Variants in SERBP1 observed in about 807,000 individuals in gnomAD.
The protein encoded by SERBP1 is SERPINE1 mRNA-binding protein 1.
In SERBP1, 6 loss-of-function variants were observed where a neutral mutation model predicts 50.2. The observed-to-expected ratio is 0.12, with a 90% CI of 0.07 to 0.24. The LOEUF is 0.24. Ranked by LOEUF, SERBP1 falls within the 10% of genes least tolerant of loss-of-function variation. The pLI, the probability that SERBP1 is intolerant of heterozygous loss-of-function variation, is 1.00. For missense variants in SERBP1, 346 were observed against 524.9 expected, an observed-to-expected ratio of 0.66 and a Z score of 3.33; for synonymous variants, 168 against 182.8, an observed-to-expected ratio of 0.92 and a Z score of 0.65.
chr1:67,429,251 T>A (rs1667485796), intron 1 of SERBP1, among the ~76,000 whole-genome samples: 1 of 152,180 alleles, frequency 6.6e-6, no homozygotes, highest in Non-Finnish European at 1.5e-5. Flanking sequence ...GGATCGTGAC[T>A]CGAGGACGTT....
chr1:67,419,279 G>A (rs1570289822), intron 6 of SERBP1, among the ~76,000 whole-genome samples: 1 of 152,088 alleles, frequency 6.6e-6, no homozygotes. Context: ...TATATAATAC[G>A]CAACATACAA....
Position 67,420,084 on chromosome 1 carries a change from A to G in SERBP1, c.876T>C (p.Asn292=). ...QNKDRAKVEF[N]IRKPNEGADG... is the part of the protein sequence containing the mutation. ...CAGCACCTTCATTTGGTTTTCGGAT[A>G]TTAAATTCTACTTTTGCCCGGTCCT... Residue 292 remains asparagine (N), a synonymous_variant, in exon 6 of 8, where the codon AAT becomes AAC. Coordinates refer to ENST00000361219, the MANE Select transcript of SERBP1 (RefSeq NM_001018069.2). 1.2e-6 allele frequency: 2 copies of G among 1,613,738 alleles called. No homozygotes were observed. The highest frequency in any genetic ancestry group is 2.2e-5 in the South Asian group (2 of 91,066).
At chr1:67,417,477 T>A (rs1309974529) in intron 6 of SERBP1, among the ~76,000 whole-genome samples, 1 of 151,996 alleles carries the variant, frequency 6.6e-6, no homozygotes, top group Non-Finnish European at 1.5e-5. Context: ...GAAACTGTAC[T>A]GGGATAAAGT....
Position 67,411,862 on chromosome 1 carries a change from A to G in SERBP1, c.*1345T>C, listed in dbSNP as rs1169912709. ...TGGCAGAATAAAAGACAATCCTAGAAAACTTTTTTAATTCATCATTCTATG... is the reference window on the plus strand; with the variant it reads ...TGGCAGAATAAAAGACAATCCTAGAGAACTTTTTTAATTCATCATTCTATG... On this transcript the variant is annotated 3_prime_UTR_variant, in exon 8 of 8. Transcript: ENST00000361219. 1.4e-4 allele frequency: 22 copies of G among 152,200 alleles called. No individual in the cohort carries two copies. Among genetic ancestry groups the G allele is most frequent in the Admixed American group, 2.6e-4 (4 of 15,278 alleles). The allele number at this position is 152,200 out of a possible 1,614,324, so 9.4% of individuals were successfully genotyped here. A position where few individuals can be genotyped will look rare whatever the true frequency, so the allele number is the denominator to read the frequency against.
In SERBP1 at chr1:67,409,557, T is replaced by A. The variant is rs1177227603; in HGVS notation, c.*3650A>T. On this transcript the variant is annotated 3_prime_UTR_variant, in exon 8 of 8. Coordinates refer to ENST00000361219, the MANE Select transcript of SERBP1 (RefSeq NM_001018069.2). ...TCATGATGGCTTTAGCAATTTATAT[T>A]CTAACCATTTCCTAAACTTAAGCTT... 6.6e-6 allele frequency: 1 copy of A among 152,182 alleles called. No homozygotes were observed. Among genetic ancestry groups the A allele is most frequent in the Non-Finnish European group, 1.5e-5 (1 of 68,028 alleles). The allele number at this position is 152,182 out of a possible 1,614,324, so 9.4% of individuals were successfully genotyped here. A position where few individuals can be genotyped will look rare whatever the true frequency, so the allele number is the denominator to read the frequency against.
rs77632344 is a variant in SERBP1 at position 67,425,545 on chromosome 1, A to G, written c.465-322T>C. On this transcript the variant is annotated intron_variant, in intron 2 of 7. Transcript: ENST00000361219. Reference sequence around the variant, plus strand: ...TAAAAATTAAACACATCTAACTTGCATAAGTAATTTATTTGCTATAAACAA... The same window carrying G: ...TAAAAATTAAACACATCTAACTTGCGTAAGTAATTTATTTGCTATAAACAA... Among the ~76,000 whole-genome samples the G allele has an allele frequency of 5.8e-4, 88 of 152,312 alleles. 2 individuals carry two copies. The East Asian group carries it at 0.012, about 21-fold the overall frequency.
chr1:67,419,012 TTCC>T (rs896725693), intron 6 of SERBP1, among the ~76,000 whole-genome samples: 35 of 152,258 alleles, frequency 2.3e-4, no homozygotes, highest in African/African-American at 8.4e-4. Flanking sequence ...CACTGAAACA[TTCC>T]TCTAAGAACA....
Position 67,430,333 on chromosome 1 carries a change from T to A in SERBP1, c.-33A>T. On this transcript the variant is annotated 5_prime_UTR_variant, in exon 1 of 8. Coordinates refer to ENST00000361219, the MANE Select transcript of SERBP1 (RefSeq NM_001018069.2). ...GCTCGGCGGCGCGTTCCTCCACGGA[T>A]TGCAGCGGGCCGCGCCGAGCCAAGA... 6.7e-7 allele frequency: 1 copy of A among 1,495,404 alleles called. No individual in the cohort carries two copies. Among genetic ancestry groups the A allele is most frequent in the Non-Finnish European group, 8.9e-7 (1 of 1,123,778 alleles). 92.6% of individuals were successfully genotyped at this position (1,495,404 alleles called of 1,614,324 possible).
intron 5 of SERBP1, among the ~76,000 whole-genome samples, chr1:67,421,132 CA>C (rs112864643): frequency 3.6e-5 from 5 of 140,786 alleles, no homozygotes; most frequent in Non-Finnish European, 4.7e-5. Flanking sequence ...ATCTATGCTG[CA>C]AAAAAAAAAC....
intron 7 of SERBP1, among the ~76,000 whole-genome samples, chr1:67,414,338 G>A (rs1456754548): frequency 6.7e-6 from 1 of 148,502 alleles, no homozygotes; most frequent in East Asian, 2.0e-4. Flanking sequence ...GAAAGTATGG[G>A]AAAAGCCCAT....
At position 67,413,190 on chromosome 1, in the gene SERBP1, T is replaced by C; in HGVS notation, c.*17A>G. 6.3e-7 allele frequency: 1 copy of C among 1,592,834 alleles called. No individual in the cohort carries two copies. The highest frequency in any genetic ancestry group is 8.5e-7 in the Non-Finnish European group (1 of 1,172,036). The stretch of plus-strand genomic sequence containing the variant: ...GAAGGGTTCACAAAGGAACCAGGGT[T>C]GTCTTATGGCATCCAGTTAAGCCAG... On this transcript the variant is annotated 3_prime_UTR_variant, in exon 8 of 8. Coordinates refer to ENST00000361219, the MANE Select transcript of SERBP1 (RefSeq NM_001018069.2).
At chr1:67,425,760 TAG>T (rs1667351155) in intron 2 of SERBP1, among the ~76,000 whole-genome samples, 1 of 152,224 alleles carries the variant, frequency 6.6e-6, no homozygotes, top group South Asian at 2.1e-4. Flanking sequence ...GAAAAATTAA[TAG>T]AAACAATTAG....
In SERBP1 at chr1:67,426,251, T is replaced by A. The variant is rs746614078; in HGVS notation, c.348A>T (p.Gln116His). The change falls in exon 2 of 8, where the codon CAA becomes CAT. Residue 116 changes from glutamine (Q) to histidine (H), a missense_variant. This residue lies in a region of SERBP1 where 257 missense variants were observed against 331.2 expected (regional missense o/e 0.78). Transcript: ENST00000361219. The part of the protein sequence containing the change: ...IRRVGRRPDQ[Q>H]LQGEGKIIDR... ...CAATTATTTTCCCTTCACCCTGAAGTTGTTGATCAGGTCTTCTTCCAACTC... is the reference window on the plus strand; with the variant it reads ...CAATTATTTTCCCTTCACCCTGAAGATGTTGATCAGGTCTTCTTCCAACTC... 1 of 1,603,434 alleles carries A rather than the reference T, an allele frequency of 6.2e-7. No homozygotes were observed. Among genetic ancestry groups the A allele is most frequent in the South Asian group, 1.1e-5 (1 of 89,176 alleles).
intron 2 of SERBP1, 59 bp from the exon 3 acceptor site, chr1:67,425,282 C>A (rs762270118): frequency 1.6e-4 from 229 of 1,466,468 alleles, no homozygotes; most frequent in East Asian, 1.0e-3. Context: ...GAGGAAAATT[C>A]ATCCAAAAGA....
intron 7 of SERBP1, among the ~76,000 whole-genome samples, chr1:67,414,828 G>A (rs1161397885): frequency 6.6e-6 from 1 of 152,130 alleles, no homozygotes. Context: ...AAGGCCAAGA[G>A]TTAACCTGAT....
At chr1:67,428,662 A>G (rs1424088470) in intron 1 of SERBP1, among the ~76,000 whole-genome samples, 1 of 129,010 alleles carries the variant, frequency 7.8e-6, no homozygotes, top group African/African-American at 2.5e-5. Context: ...TAATTTTACC[A>G]CAAGAATTAA....
intron 1 of SERBP1, among the ~76,000 whole-genome samples, chr1:67,427,323 A>G (rs950779292): frequency 6.6e-6 from 1 of 152,212 alleles, no homozygotes; most frequent in Non-Finnish European, 1.5e-5. Context: ...GCCCATAAGG[A>G]TCAACAGATT....
intron 2 of SERBP1, 143 bp downstream of exon 2, chr1:67,425,992 G>C (rs1199424556): frequency 6.2e-6 from 4 of 642,070 alleles, no homozygotes; most frequent in African/African-American, 5.6e-5. Flanking sequence ...TGACCTTGTA[G>C]TCCGAGCTAC....
intron 5 of SERBP1, among the ~76,000 whole-genome samples, chr1:67,422,900 G>A (rs1304587526): frequency 2.6e-5 from 4 of 152,154 alleles, no homozygotes; most frequent in African/African-American, 9.7e-5. Flanking sequence ...GGCGGAGGTT[G>A]CAGTGAGCCA....
Sources: gnomAD v4.1 joint callset for allele counts (sites outside exome capture counted in the v4.1 genomes callset) on GRCh38, gnomAD v4.1.1 for gene constraint, gnomAD v4.1.1 regional missense constraint, MANE v1.5 for transcripts, NCBI Gene and HGNC (gene_info 2026-07-23, HGNC 2026-07-21) for gene names.